Variants in HPSE2 observed in about 807,000 individuals in gnomAD.
HPSE2 encodes the protein heparanase 2 (inactive), also known as inactive heparanase-2.
Under a neutral mutation model 60.5 loss-of-function variants are expected in HPSE2, and 38 were observed. The observed-to-expected ratio is 0.63, with a 90% CI of 0.48 to 0.82. The LOEUF (loss-of-function observed/expected upper bound fraction) is 0.82, where lower values mean the gene tolerates loss of function less well. Ranked by LOEUF, HPSE2 falls within the 40% of genes least tolerant of loss-of-function variation. The probability of loss-of-function intolerance (pLI) is 0.00; values close to 1 mark genes in which losing one functional copy is unlikely to be tolerated. For synonymous variants in HPSE2, 295 were observed against 293.2 expected (o/e 1.01, Z -0.06); for missense variants, 713 against 740.4 (o/e 0.96, Z 0.43).
chr10:98,641,084 T>C (rs1250603812), intron 7 of HPSE2, among the ~76,000 whole-genome samples: 1 of 152,216 alleles, frequency 6.6e-6, no homozygotes, highest in Non-Finnish European at 1.5e-5. Flanking sequence ...AAGATCTTAC[T>C]TGGCTAATTC....
At chr10:98,516,827 C>G (rs1020950446) in intron 9 of HPSE2, among the ~76,000 whole-genome samples, 1 of 152,108 alleles carries the variant, frequency 6.6e-6, no homozygotes, top group African/African-American at 2.4e-5. Flanking sequence ...GCCTGAAATA[C>G]AAAGAACAAA....
chr10:98,932,610 T>C (rs535455242), intron 3 of HPSE2, among the ~76,000 whole-genome samples: 1 of 142,262 alleles, frequency 7.0e-6, no homozygotes, highest in Non-Finnish European at 1.5e-5. Context: ...GGGCTTTTTT[T>C]TTTTTTTGGC....
At chr10:98,744,255 C>T (rs1041454413) in intron 3 of HPSE2, among the ~76,000 whole-genome samples, 199 bp from the exon 4 acceptor site, 4 of 152,062 alleles carry the variant, frequency 2.6e-5, no homozygotes, top group Admixed American at 6.6e-5. Context: ...GGGCTGGGCG[C>T]GGTGGCTCAC....
At chr10:99,272,808 C>G in the HPSE2 span, among the ~76,000 whole-genome samples, 3 of 152,104 alleles carry the variant, frequency 2.0e-5, no homozygotes, top group African/African-American at 7.2e-5. Context: ...AAAGGGAACA[C>G]TTTTACACTG....
chr10:98,751,375 G>C (rs1408169042), intron 3 of HPSE2, among the ~76,000 whole-genome samples: 1 of 152,152 alleles, frequency 6.6e-6, no homozygotes. Flanking sequence ...CCAAGTGTAT[G>C]CAAGTTTCAC....
chr10:98,869,784 G>A (rs1282265649), intron 3 of HPSE2, among the ~76,000 whole-genome samples: 1 of 152,032 alleles, frequency 6.6e-6, no homozygotes. Context: ...GTGATCATGG[G>A]CAAGTAATTT....
intron 2 of HPSE2, among the ~76,000 whole-genome samples, chr10:99,173,622 A>C (rs1195083868): frequency 2.0e-5 from 3 of 152,176 alleles, no homozygotes; most frequent in African/African-American, 7.2e-5. Flanking sequence ...TATAACTCTG[A>C]AAAAAATTAT....
rs1307510551 is a variant in HPSE2, at chr10:98,934,239, CTG to C, written c.611-190185_611-190184del. Among the ~76,000 whole-genome samples, 3 of 144,184 alleles carry C rather than the reference CTG, an allele frequency of 2.1e-5. No individual in the cohort carries two copies. In the East Asian group the frequency reaches 5.9e-4, roughly 28 times the overall value. 94.6% of individuals were successfully genotyped at this position (144,184 alleles called of 152,430 possible). On this transcript the variant is annotated intron_variant, in intron 3 of 11. Transcript: ENST00000370552. ...TTCTCTTTGTATCCAGCTTGCCATT[CTG>C]TGTCTTTTAATCAGGGCATTTTGCC...
chr10:99,301,316 C>G, the HPSE2 span, among the ~76,000 whole-genome samples: 1 of 152,186 alleles, frequency 6.6e-6, no homozygotes, highest in African/African-American at 2.4e-5. Flanking sequence ...TTATTAGTTT[C>G]TAGCTCTACT....
chr10:98,985,969 C>T (rs1956335306), intron 3 of HPSE2, among the ~76,000 whole-genome samples: 1 of 152,204 alleles, frequency 6.6e-6, no homozygotes, highest in African/African-American at 2.4e-5. Flanking sequence ...GCACCCAACA[C>T]AGGAGCACCC....
At chr10:99,085,460 T>C (rs1843285644) in intron 3 of HPSE2, among the ~76,000 whole-genome samples, 2 of 152,164 alleles carry the variant, frequency 1.3e-5, no homozygotes, top group Non-Finnish European at 2.9e-5. Context: ...CTGAAAGCTG[T>C]TTCTGCTTCT....
intron 4 of HPSE2, among the ~76,000 whole-genome samples, chr10:98,737,278 A>T (rs1932732): frequency 0.95 from 128,071 of 134,794 alleles, 61,399 homozygotes; most frequent in East Asian, 1. Flanking sequence ...TTATATATTA[A>T]ACATAAAGGA....
intron 9 of HPSE2, among the ~76,000 whole-genome samples, chr10:98,545,198 G>T (rs1007799700): frequency 2.6e-5 from 4 of 151,990 alleles, no homozygotes; most frequent in Middle Eastern, 3.4e-3. Context: ...GGACCAGATG[G>T]ATTCACAGCC....
chr10:99,228,224 T>C (rs1280325671), intron 2 of HPSE2, among the ~76,000 whole-genome samples: 1 of 152,014 alleles, frequency 6.6e-6, no homozygotes, highest in African/African-American at 2.4e-5. Context: ...TAATAAAAGG[T>C]ATATGGAAAC....
At chr10:98,940,086 T>C (rs1267783850) in intron 3 of HPSE2, among the ~76,000 whole-genome samples, 8 of 141,116 alleles carry the variant, frequency 5.7e-5, no homozygotes. Flanking sequence ...CAAAGCAGTG[T>C]AAAGAGGGAA....
upstream of HPSE2, among the ~76,000 whole-genome samples, chr10:99,237,133 G>A (rs1849878813): frequency 6.6e-6 from 1 of 152,096 alleles, no homozygotes; most frequent in African/African-American, 2.4e-5. Flanking sequence ...ATCCTGAAGC[G>A]CGGGAAAGGG....
intron 3 of HPSE2, among the ~76,000 whole-genome samples, chr10:98,812,205 T>G (rs1319145676): frequency 6.6e-6 from 1 of 152,160 alleles, no homozygotes; most frequent in East Asian, 1.9e-4. Flanking sequence ...TGGTAACCGT[T>G]GCTCCATCCT....
At chr10:99,263,001 G>A in the HPSE2 span, among the ~76,000 whole-genome samples, 1 of 152,160 alleles carries the variant, frequency 6.6e-6, no homozygotes, top group Admixed American at 6.5e-5. Context: ...TCTTACACAA[G>A]AGCCAGGACC....
chr10:99,189,920 A>C (rs1370333137), intron 2 of HPSE2, among the ~76,000 whole-genome samples: 1 of 152,218 alleles, frequency 6.6e-6, no homozygotes, highest in Non-Finnish European at 1.5e-5. Flanking sequence ...AGAGGGCCCA[A>C]GGGCTGCTTT....
Sources: allele counts gnomAD v4.1 joint callset (sites outside exome capture counted in the v4.1 genomes callset), GRCh38; gene constraint gnomAD v4.1.1; transcripts MANE v1.5; gene names NCBI Gene and HGNC (gene_info 2026-07-23, HGNC 2026-07-21).